The following LTBP4 variants were observed in gnomAD, a reference collection of about 807,000 sequenced individuals.
LTBP4 encodes latent-transforming growth factor beta-binding protein 4.
In LTBP4, 93 loss-of-function variants were observed where a neutral mutation model predicts 180.2. That is an observed-to-expected ratio of 0.52 (90% CI 0.44 to 0.61). The LOEUF (loss-of-function observed/expected upper bound fraction) is 0.61, where lower values mean the gene tolerates loss of function less well. Ranked by LOEUF, LTBP4 falls within the 20% of genes least tolerant of loss-of-function variation. The pLI is 0.00. For synonymous variants in LTBP4, 947 were observed against 934.5 expected (o/e 1.01, Z -0.24); for missense variants, 2,116 against 2,256.5 (o/e 0.94, Z 1.26).
At chr19:40,610,036 C>G in intron 11 of LTBP4, 165 bp downstream of exon 11, 1 of 963,436 alleles carries the variant, frequency 1.0e-6, no homozygotes, top group Non-Finnish European at 1.5e-6. Context: ...CTCCACCCAG[C>G]TCCAGCCTCC....
upstream of LTBP4, chr19:40,599,953 G>T (rs1007173410): frequency 1.2e-5 from 6 of 490,138 alleles, no homozygotes; most frequent in Admixed American, 7.9e-5. Flanking sequence ...TAGGTGTTGT[G>T]GGGGGAGGGT....
intron 15 of LTBP4, 95 bp downstream of exon 15, chr19:40,612,287 C>G: frequency 6.9e-7 from 1 of 1,455,380 alleles, no homozygotes; most frequent in Non-Finnish European, 9.2e-7. Flanking sequence ...ACCTCCTGAC[C>G]TGGACCTCAG....
chr19:40,599,204 G>A (rs1325754362), upstream of LTBP4: 2 of 1,609,740 alleles, frequency 1.2e-6, no homozygotes, highest in Non-Finnish European at 1.7e-6. Flanking sequence ...TAGCGTTGCT[G>A]TTTGTCGCTG....
chr19:40,596,984 A>C (rs2081393817), upstream of LTBP4, among the ~76,000 whole-genome samples: 1 of 151,404 alleles, frequency 6.6e-6, no homozygotes, highest in Non-Finnish European at 1.5e-5. Context: ...ATTTCCCCCC[A>C]CCGCGTGGGG....
intron 1 of LTBP4, among the ~76,000 whole-genome samples, chr19:40,603,841 G>C (rs972506241): frequency 6.6e-6 from 1 of 152,214 alleles, no homozygotes; most frequent in Admixed American, 6.5e-5. Flanking sequence ...CAAAGGTCCC[G>C]GGGCTCCCCA....
Position 40,612,442 on chromosome 19 carries a change from A to G in LTBP4, c.2299+250A>G, listed in dbSNP as rs115517383. Among the ~76,000 whole-genome samples the G allele has an allele frequency of 6.8e-3, 1,036 of 152,268 alleles. 12 individuals are homozygous for G. The highest frequency in any genetic ancestry group is 0.024 in the African/African-American group (983 of 41,560). ...TGATAGTCCCTGCCCATACCCTGAT[A>G]GCAATTGTGACCCTCATGACTCTGG... On this transcript the variant is annotated intron_variant, in intron 15 of 29. Transcript: ENST00000396819.
rs1599879125 is a variant in LTBP4 at position 40,625,887 on chromosome 19, T to G, written c.3863T>G (p.Val1288Gly). 6.3e-7 allele frequency: 1 copy of G among 1,597,314 alleles called. No individual in the cohort carries two copies. The highest frequency in any genetic ancestry group is 8.5e-7 in the Non-Finnish European group (1 of 1,172,924). ...AATCTGGGAGTGTGCTGGCAGGAAG[T>G]GGGGGCTGACCTCGTGTGCAGCCAC... The part of the protein sequence containing the change: ...DDNLGVCWQE[V>G]GADLVCSHPR... Residue 1288 changes from valine (V) to glycine (G), a missense_variant, in exon 27 of 30, where the codon GTG becomes GGG. Val to Gly is a moderately radical substitution (Grantham distance 109). Around this residue, in one of 5 missense-constraint regions of LTBP4, gnomAD observed 488 missense variants for 458.8 expected, o/e 1.06. Transcript: ENST00000396819.
upstream of LTBP4, chr19:40,597,106 C>T (rs1006384609): frequency 6.7e-6 from 6 of 899,576 alleles, no homozygotes; most frequent in Middle Eastern, 3.9e-4. Flanking sequence ...GTTCGCAGCC[C>T]GTGGCTGGAC....
rs770536654 is a variant in LTBP4 at position 40,610,574 on chromosome 19, G to A, written c.1727G>A (p.Gly576Glu). Residue 576 changes from glycine to glutamate, a missense_variant, in exon 12 of 30, where the codon GGG becomes GAG. Physicochemically the swap from Gly to Glu is moderately conservative, Grantham distance 98 (BLOSUM62 -2). Coordinates refer to ENST00000396819, the MANE Select transcript of LTBP4 (RefSeq NM_001042545.2). ...CGCGTGCCGCCGCCGTGTGACCTCGGGCGCTGCGAGAACACGCCAGGCAGC... is the reference window on the plus strand; with the variant it reads ...CGCGTGCCGCCGCCGTGTGACCTCGAGCGCTGCGAGAACACGCCAGGCAGC... ...CHRVPPPCDL[G>E]RCENTPGSFL... is the part of the protein sequence containing the mutation. The A allele has an allele frequency of 1.9e-6, 3 of 1,593,320 alleles. No homozygotes were observed. Among genetic ancestry groups the A allele is most frequent in the Non-Finnish European group, 1.7e-6 (2 of 1,175,936 alleles).
rs778489116 is a variant in LTBP4 at position 40,609,614 on chromosome 19, C to T, written c.1511C>T (p.Ala504Val). The change falls in exon 10 of 30, where the codon GCT (alanine) becomes GTT (valine). Residue 504 changes from alanine to valine, a missense_variant. Physicochemically the swap from Ala to Val is moderately conservative, Grantham distance 64. Transcript: ENST00000396819. This position sits in a 1 kb window ranked among gnomAD's most constrained non-coding sequence, Gnocchi z 4.9. ...TCCCGGCCCAGCGGCTACACCTGCG[C>T]TTGCGACTCTGGCTTCCGGCTCAGC... ...CISRPSGYTC[A>V]CDSGFRLSPQ... The T allele has an allele frequency of 1.2e-6, 2 of 1,613,370 alleles. No homozygotes were observed. The highest frequency in any genetic ancestry group is 1.7e-6 in the Non-Finnish European group (2 of 1,179,830).
chr19:40,612,376 C>T (rs2081514266), intron 15 of LTBP4, among the ~76,000 whole-genome samples, 184 bp downstream of exon 15: 1 of 152,142 alleles, frequency 6.6e-6, no homozygotes, highest in Admixed American at 6.5e-5. Context: ...CTCCTGAGAC[C>T]CAACTTGACA....
At chr19:40,617,296 T>C in intron 21 of LTBP4, 71 bp downstream of exon 21, 4 of 1,532,544 alleles carry the variant, frequency 2.6e-6, no homozygotes, top group Non-Finnish European at 3.5e-6. Flanking sequence ...TCCCTCCCCA[T>C]ATATCTGAAC....
rs776038183 is a variant in LTBP4, at chr19:40,627,192, A to T, written c.4203A>T (p.Ala1401=). 6.2e-7 allele frequency: 1 copy of T among 1,611,886 alleles called. No homozygotes were observed. The highest frequency in any genetic ancestry group is 2.2e-5 in the East Asian group (1 of 44,806). ...CCCGCCGGGAGGCTCCTTATGGGGCACCCCGCTTCGACATGCCAGACTTTG... is the reference window on the plus strand; with the variant it reads ...CCCGCCGGGAGGCTCCTTATGGGGCTCCCCGCTTCGACATGCCAGACTTTG... ...PFARREAPYG[A]PRFDMPDFED... is the part of the protein sequence containing the mutation. The change falls in exon 28 of 30, where the codon GCA becomes GCT. Residue 1401 remains alanine (A), a synonymous_variant. Transcript: ENST00000396819.
At chr19:40,628,652 C>A (rs981787236) in intron 29 of LTBP4, among the ~76,000 whole-genome samples, 1 of 152,118 alleles carries the variant, frequency 6.6e-6, no homozygotes, top group Non-Finnish European at 1.5e-5. Flanking sequence ...GATCCCATTT[C>A]ATAGAATTGC....
chr19:40,626,940 AG>A (rs1365273008), intron 27 of LTBP4, 34 bp from the exon 28 acceptor site: 11 of 1,519,178 alleles, frequency 7.2e-6, no homozygotes, highest in Non-Finnish European at 9.7e-6. Flanking sequence ...GGGGGCCAGC[AG>A]GGGCTGATTG....
chr19:40,623,776 C>T, intron 25 of LTBP4, 44 bp downstream of exon 25: 1 of 1,609,784 alleles, frequency 6.2e-7, no homozygotes, highest in Non-Finnish European at 8.5e-7. Context: ...TCTCTCCAAC[C>T]CCTAGCCTTG....
At chr19:40,599,755 TTC>T (rs2146013085), upstream of LTBP4, 1 of 591,764 alleles carries the variant, frequency 1.7e-6, no homozygotes, top group Non-Finnish European at 3.0e-6. Flanking sequence ...TCTGCATTAT[TTC>T]TGTCTCTTTC....
In LTBP4 at chr19:40,614,322, C is replaced by T; in HGVS notation, c.2688C>T (p.Asp896=). 4 of 1,599,222 alleles carry T rather than the reference C, an allele frequency of 2.5e-6. No individual in the cohort carries two copies. The Admixed American group carries it at 5.0e-5, about 20-fold the overall frequency. The part of the protein sequence containing the change: ...GPDLASCLDV[D]ECRERGPALC... Reference sequence around the variant, plus strand: ...CCCGACCTCTCTCCTCAGACGTGGACGAATGTCGCGAGCGAGGCCCAGCCC... The same window carrying T: ...CCCGACCTCTCTCCTCAGACGTGGATGAATGTCGCGAGCGAGGCCCAGCCC... The change falls in exon 19 of 30, where the codon GAC becomes GAT. Residue 896 remains aspartate (D), a synonymous_variant. Coordinates refer to ENST00000396819, the MANE Select transcript of LTBP4 (RefSeq NM_001042545.2).
chr19:40,623,492 C>A, intron 24 of LTBP4, 112 bp from the exon 25 acceptor site: 1 of 1,343,806 alleles, frequency 7.4e-7, no homozygotes, highest in Non-Finnish European at 1.0e-6. Context: ...CTTTCTTTCC[C>A]TGTCTCTACT....
Sources: allele counts gnomAD v4.1 joint callset (sites outside exome capture counted in the v4.1 genomes callset), GRCh38; gene constraint gnomAD v4.1.1; regional missense constraint gnomAD v4.1.1; non-coding constraint Gnocchi (gnomAD v3.1); transcripts MANE v1.5; gene names NCBI Gene and HGNC (gene_info 2026-07-23, HGNC 2026-07-21).